ADCY8: variants seen among roughly 807,000 people sequenced by gnomAD.
The protein encoded by ADCY8 is adenylate cyclase type 8.
A neutral mutation model predicts 119.7 loss-of-function variants in ADCY8; 51 were observed. The ratio of observed to expected loss-of-function variants is 0.43; its 90% confidence interval spans 0.34 to 0.54. The LOEUF is 0.54. Among genes scored for constraint, ADCY8 ranks in the 20% least tolerant of loss-of-function variants. The pLI is 0.03. For missense variants in ADCY8, 1,383 were observed against 1,598.8 expected (o/e 0.87, Z 2.30); for synonymous variants, 665 against 651.0 (o/e 1.02, Z -0.33).
chr8:130,942,683 A>T (rs146330741), intron 4 of ADCY8, among the ~76,000 whole-genome samples: 1 of 152,228 alleles, frequency 6.6e-6, no homozygotes, highest in South Asian at 2.1e-4. Flanking sequence ...CACACTTTAC[A>T]CAGCAGGAAA....
intron 1 of ADCY8, among the ~76,000 whole-genome samples, chr8:130,995,142 C>A (rs976195637): frequency 6.6e-6 from 1 of 152,120 alleles, no homozygotes; most frequent in African/African-American, 2.4e-5. Flanking sequence ...TTCAGTAACC[C>A]TAATTCTGTA....
At position 130,922,884 on chromosome 8, in the gene ADCY8, CA is replaced by C. The variant is rs569725370; in HGVS notation, c.1482-13019del. The stretch of plus-strand genomic sequence containing the variant: ...CACTTACAAGCTGTGTGTCATTGGT[CA>C]GAAGATGTTTTTATTCTATCAGAGC... On this transcript the variant is annotated intron_variant, in intron 5 of 17. Transcript: ENST00000286355. Among the ~76,000 whole-genome samples, 567 of 152,250 alleles carry C rather than the reference CA, an allele frequency of 3.7e-3. 6 individuals carry two copies. Among genetic ancestry groups the C allele is most frequent in the African/African-American group, 0.012 (512 of 41,550 alleles).
chr8:130,825,924 G>A (rs79920924), intron 12 of ADCY8, among the ~76,000 whole-genome samples: 2,685 of 152,286 alleles, frequency 0.018, 30 homozygotes, highest in Non-Finnish European at 0.028. Flanking sequence ...AGACTCAGCT[G>A]CATGGACTGA....
Position 130,859,148 on chromosome 8 carries a change from T to C in ADCY8, c.2210+8698A>G, listed in dbSNP as rs1049271361. ...GTCATTGCTTCCAGGCCCTCTCCAC[T>C]GACAGAGGAAGGAAATGTATGTATA... is the stretch of plus-strand genomic sequence containing the variant. On this transcript the variant is annotated intron_variant, in intron 9 of 17. Coordinates refer to ENST00000286355, the MANE Select transcript of ADCY8 (RefSeq NM_001115.3). Among the ~76,000 whole-genome samples, 4 of 152,164 alleles carry C rather than the reference T, an allele frequency of 2.6e-5. No individual in the cohort carries two copies. In the East Asian group the frequency reaches 5.8e-4, roughly 22 times the overall value.
intron 14 of ADCY8, among the ~76,000 whole-genome samples, chr8:130,810,347 TACACACAC>T (rs58781726): frequency 0.015 from 2,115 of 142,674 alleles, 49 homozygotes; most frequent in Admixed American, 0.076. Flanking sequence ...TCTCTTTTTC[TACACACAC>T]ACACACACAC....
intron 8 of ADCY8, among the ~76,000 whole-genome samples, chr8:130,880,851 C>CA (rs1163700961): frequency 6.6e-6 from 1 of 152,168 alleles, no homozygotes; most frequent in Non-Finnish European, 1.5e-5. Context: ...GACATATGGC[C>CA]ACCATGATCA....
intron 12 of ADCY8, among the ~76,000 whole-genome samples, chr8:130,832,180 C>T (rs1371349487): frequency 6.6e-6 from 1 of 152,146 alleles, no homozygotes; most frequent in East Asian, 1.9e-4. Context: ...AGATGGGTCT[C>T]TAGTGACTGC....
intron 1 of ADCY8, among the ~76,000 whole-genome samples, chr8:131,029,312 A>G (rs1414308524): frequency 6.6e-6 from 1 of 152,228 alleles, no homozygotes; most frequent in Non-Finnish European, 1.5e-5. Flanking sequence ...CGTAATAATA[A>G]CAGAGATAAA....
intron 8 of ADCY8, among the ~76,000 whole-genome samples, chr8:130,876,153 C>T (rs191646227): frequency 1.8e-4 from 28 of 152,016 alleles, no homozygotes; most frequent in Admixed American, 1.2e-3. Flanking sequence ...CAGGTTCAAG[C>T]GATTCTTGTG....
chr8:130,898,066 G>T (rs1819468327), intron 7 of ADCY8, among the ~76,000 whole-genome samples: 1 of 151,706 alleles, frequency 6.6e-6, no homozygotes, highest in Non-Finnish European at 1.5e-5. Context: ...ATGACACCCA[G>T]CATATATCTT....
intron 9 of ADCY8, among the ~76,000 whole-genome samples, chr8:130,860,780 C>A (rs1173951003): frequency 1.3e-5 from 2 of 152,114 alleles, no homozygotes; most frequent in Non-Finnish European, 2.9e-5. Flanking sequence ...TCCTAAAGCT[C>A]TCCCTTCCCT....
At chr8:130,974,979 G>A (rs1314576251) in intron 2 of ADCY8, among the ~76,000 whole-genome samples, 1 of 152,148 alleles carries the variant, frequency 6.6e-6, no homozygotes, top group African/African-American at 2.4e-5. Context: ...GCTAACAGCA[G>A]TGGCAATGGT....
intron 5 of ADCY8, among the ~76,000 whole-genome samples, chr8:130,932,095 C>G (rs574756337): frequency 7.9e-5 from 12 of 152,168 alleles, no homozygotes; most frequent in Non-Finnish European, 1.8e-4. Context: ...CCTGGGAAAG[C>G]ACTACGGCAG....
At chr8:130,792,993 C>A (rs1815469968) in intron 15 of ADCY8, among the ~76,000 whole-genome samples, 1 of 152,116 alleles carries the variant, frequency 6.6e-6, no homozygotes, top group Non-Finnish European at 1.5e-5. Flanking sequence ...TGTTGTGTGG[C>A]CAGGAGCTGC....
At chr8:130,879,610 A>C (rs1818694377) in intron 8 of ADCY8, among the ~76,000 whole-genome samples, 2 of 152,172 alleles carry the variant, frequency 1.3e-5, no homozygotes, top group Admixed American at 1.3e-4. Flanking sequence ...TCCTAAAAAT[A>C]AATAAGCAAA....
At chr8:130,940,741 A>G (rs980026118) in intron 4 of ADCY8, among the ~76,000 whole-genome samples, 1 of 152,202 alleles carries the variant, frequency 6.6e-6, no homozygotes, top group Non-Finnish European at 1.5e-5. Flanking sequence ...AAAATAAAGT[A>G]GGGTGAGGAT....
intron 1 of ADCY8, among the ~76,000 whole-genome samples, chr8:130,996,305 T>G (rs2130753048): frequency 6.6e-6 from 1 of 152,166 alleles, no homozygotes; most frequent in South Asian, 2.1e-4. Flanking sequence ...CAAAATCCCA[T>G]ATGGAATTTT....
At chr8:131,029,485 G>A (rs560868014) in intron 1 of ADCY8, among the ~76,000 whole-genome samples, 1 of 152,280 alleles carries the variant, frequency 6.6e-6, no homozygotes, top group South Asian at 2.1e-4. Context: ...TTCAGAGCCA[G>A]GATGCTGAAG....
chr8:130,979,073 T>C (rs1483359829), intron 2 of ADCY8, among the ~76,000 whole-genome samples: 1 of 152,160 alleles, frequency 6.6e-6, no homozygotes, highest in Non-Finnish European at 1.5e-5. Context: ...CTATGATTAT[T>C]AGCAGTTTTC....
Sources: allele counts gnomAD v4.1 joint callset (sites outside exome capture counted in the v4.1 genomes callset), GRCh38; gene constraint gnomAD v4.1.1; transcripts MANE v1.5; gene names NCBI Gene and HGNC (gene_info 2026-07-23, HGNC 2026-07-21).